The following BLTP2 variants were observed in gnomAD, a reference collection of about 807,000 sequenced individuals.
BLTP2 encodes the protein U937-associated antigen.
At chr17:28,615,673 C>T in the BLTP2 span, 5 of 1,613,942 alleles carry the variant, frequency 3.1e-6, no homozygotes, top group Non-Finnish European at 4.2e-6. Flanking sequence ...CCTGGGCAAC[C>T]AGGGCTTTGC....
chr17:28,640,598 C>G, the BLTP2 span: 40 of 1,613,994 alleles, frequency 2.5e-5, no homozygotes, highest in Non-Finnish European at 3.3e-5. Flanking sequence ...CGCTTGTGTT[C>G]TCCATCTTAA....
chr17:28,633,319 T>C, the BLTP2 span: 1 of 1,614,028 alleles, frequency 6.2e-7, no homozygotes, highest in South Asian at 1.1e-5. Flanking sequence ...CAAGTCACCC[T>C]TGAACACAAA....
At chr17:28,638,932 C>A in the BLTP2 span, 1 of 428,996 alleles carries the variant, frequency 2.3e-6, no homozygotes, top group Admixed American at 4.2e-5. Flanking sequence ...CCTAAAATAA[C>A]CAAGAAGCAT....
the BLTP2 span, chr17:28,614,805 T>C: frequency 1.3e-5 from 4 of 312,518 alleles, no homozygotes; most frequent in African/African-American, 2.1e-5. Context: ...CCCAAGGGAA[T>C]AGGGTCCTGC....
chr17:28,621,277 G>A, the BLTP2 span: 2 of 1,447,994 alleles, frequency 1.4e-6, no homozygotes, highest in Non-Finnish European at 1.9e-6. Context: ...TTTCAACCCA[G>A]CCTAGCACAA....
the BLTP2 span, chr17:28,620,101 G>C: frequency 8.0e-7 from 1 of 1,252,044 alleles, no homozygotes; most frequent in Admixed American, 2.2e-5. Flanking sequence ...GAAAGAAATG[G>C]GGGGGGTCTC....
At chr17:28,631,981 AAT>A in the BLTP2 span, 2 of 1,606,716 alleles carry the variant, frequency 1.2e-6, no homozygotes, top group Non-Finnish European at 1.7e-6. Flanking sequence ...TAAGGGACTC[AAT>A]ATGAGAAACA....
the BLTP2 span, chr17:28,628,238 C>T: frequency 1.2e-6 from 2 of 1,608,602 alleles, no homozygotes; most frequent in Non-Finnish European, 1.7e-6. Flanking sequence ...AACCCAAACC[C>T]AAAAAGTCTC....
At chr17:28,634,407 C>T in the BLTP2 span, 17 of 1,098,336 alleles carry the variant, frequency 1.5e-5, no homozygotes, top group Non-Finnish European at 2.1e-5. Context: ...ACTCCACCCA[C>T]CCAAAACGGC....
At chr17:28,633,394 T>C in the BLTP2 span, 1 of 1,613,070 alleles carries the variant, frequency 6.2e-7, no homozygotes, top group Non-Finnish European at 8.5e-7. Context: ...AGTTGTGTTG[T>C]ATGGATCCTA....
chr17:28,642,425 G>C, the BLTP2 span: 1 of 942,852 alleles, frequency 1.1e-6, no homozygotes, highest in African/African-American at 1.6e-5. Flanking sequence ...GCCAAGGTGG[G>C]AGGATCATGA....
chr17:28,631,588 G>C, the BLTP2 span: 1 of 1,614,076 alleles, frequency 6.2e-7, no homozygotes, highest in Non-Finnish European at 8.5e-7. Context: ...CTCTTCAGTG[G>C]GTGAGGCCAT....
the BLTP2 span, chr17:28,631,609 G>A: frequency 1.2e-6 from 2 of 1,613,900 alleles, no homozygotes; most frequent in Non-Finnish European, 1.7e-6. Flanking sequence ...CAGGTGAACG[G>A]TCACCTGACT....
the BLTP2 span, chr17:28,639,837 C>T: frequency 4.4e-6 from 7 of 1,587,342 alleles, no homozygotes; most frequent in Non-Finnish European, 6.1e-6. Context: ...CCATATGGGG[C>T]ATGAGCAAAG....
the BLTP2 span, among the ~76,000 whole-genome samples, chr17:28,624,632 C>T: frequency 6.6e-6 from 1 of 152,148 alleles, no homozygotes; most frequent in East Asian, 1.9e-4. Context: ...CTTAGAAATG[C>T]TAGGTAACAT....
At chr17:28,639,200 G>A in the BLTP2 span, 14 of 1,003,840 alleles carry the variant, frequency 1.4e-5, no homozygotes, top group Admixed American at 5.4e-5. Flanking sequence ...GTTGAGACTC[G>A]GATTTGAGGA....
the BLTP2 span, chr17:28,642,057 G>T: frequency 6.2e-7 from 1 of 1,614,072 alleles, no homozygotes; most frequent in Non-Finnish European, 8.5e-7. Flanking sequence ...GCCAGTGAAA[G>T]CTCCACTAGG....
the BLTP2 span, chr17:28,644,017 G>C: frequency 1.3e-6 from 2 of 1,579,122 alleles, no homozygotes; most frequent in Non-Finnish European, 1.7e-6. Context: ...AATTCAATTG[G>C]ATCAACCCTA....
At chr17:28,640,598 C>A in the BLTP2 span, 1 of 1,614,112 alleles carries the variant, frequency 6.2e-7, no homozygotes, top group South Asian at 1.1e-5. Context: ...CGCTTGTGTT[C>A]TCCATCTTAA....
Sources: allele counts gnomAD v4.1 joint callset (sites outside exome capture counted in the v4.1 genomes callset), GRCh38; gene constraint gnomAD v4.1.1; transcripts MANE v1.5; gene names NCBI Gene and HGNC (gene_info 2026-07-23, HGNC 2026-07-21).